DNM3: variants seen among roughly 807,000 people sequenced by gnomAD.
DNM3 encodes the protein dynamin 3, also known as dynamin-3.
In DNM3, 47 loss-of-function variants were observed where a neutral mutation model predicts 101.6. The ratio of observed to expected loss-of-function variants is 0.46; its 90% CI spans 0.37 to 0.59. The LOEUF (loss-of-function observed/expected upper bound fraction) is 0.59. Ranked by LOEUF, DNM3 falls within the 20% of genes least tolerant of loss-of-function variation. DNM3 has a pLI of 0.00. For missense variants in DNM3, 849 were observed against 1,085.7 expected, an observed-to-expected ratio of 0.78 and a Z score of 3.06; for synonymous variants, 385 against 387.9, an observed-to-expected ratio of 0.99 and a Z score of 0.09.
At chr1:171,864,844 T>A (rs1332882514) in intron 1 of DNM3, among the ~76,000 whole-genome samples, 1 of 151,928 alleles carries the variant, frequency 6.6e-6, no homozygotes, top group African/African-American at 2.4e-5. Context: ...AAAAATTTTC[T>A]AATTCTTGCT....
At position 172,314,735 on chromosome 1, in the gene DNM3, G is replaced by T. The variant is rs1022318151; in HGVS notation, c.1881+5896G>T. On this transcript the variant is annotated intron_variant, in intron 16 of 20. Transcript: ENST00000627582. ...TTGCTTAGGTAAACAAAGCAGCCGG[G>T]AAGCTCCAACTGGCTGGAGCCCACC... Among the ~76,000 whole-genome samples the T allele has an allele frequency of 3.0e-4, 46 of 152,350 alleles. 1 individual carries two copies. The highest frequency in any genetic ancestry group is 2.6e-4 in the Non-Finnish European group (18 of 68,036).
At chr1:172,218,526 C>T (rs962901800) in intron 14 of DNM3, among the ~76,000 whole-genome samples, 1 of 151,978 alleles carries the variant, frequency 6.6e-6, no homozygotes, top group African/African-American at 2.4e-5. Flanking sequence ...ATGTTATTTA[C>T]AATATTTATC....
chr1:172,076,899 C>T (rs988601207), intron 11 of DNM3, among the ~76,000 whole-genome samples: 1 of 152,146 alleles, frequency 6.6e-6, no homozygotes, highest in Non-Finnish European at 1.5e-5. Context: ...AGTACCAGCT[C>T]CTCTTTGTAC....
intron 1 of DNM3, among the ~76,000 whole-genome samples, chr1:171,875,081 C>T (rs549018711): frequency 1.2e-4 from 18 of 152,184 alleles, no homozygotes; most frequent in African/African-American, 4.3e-4. Context: ...GATGGGCACC[C>T]AGGTTGATTC....
chr1:172,196,989 A>G (rs1326410768), intron 14 of DNM3, among the ~76,000 whole-genome samples: 6 of 152,024 alleles, frequency 3.9e-5, no homozygotes, highest in Admixed American at 2.6e-4. Flanking sequence ...GCCTTTTCCT[A>G]TGTCCAGGAT....
chr1:171,942,300 A>G (rs2041872330), intron 2 of DNM3, among the ~76,000 whole-genome samples: 1 of 148,760 alleles, frequency 6.7e-6, no homozygotes, highest in Non-Finnish European at 1.5e-5. Flanking sequence ...ATACTGGCAC[A>G]GAGTTAAGCC....
At chr1:172,004,581 G>A (rs955759422) in intron 4 of DNM3, among the ~76,000 whole-genome samples, 2 of 152,064 alleles carry the variant, frequency 1.3e-5, no homozygotes, top group East Asian at 3.9e-4. Flanking sequence ...AGCAACAAGG[G>A]GGAATAGAAG....
intron 19 of DNM3, among the ~76,000 whole-genome samples, chr1:172,387,690 C>T (rs367683534): frequency 7.0e-6 from 1 of 143,080 alleles, no homozygotes; most frequent in Admixed American, 7.3e-5. Flanking sequence ...CCACCCACAA[C>T]CCCTGAGCCC....
chr1:172,050,656 G>T (rs2050143069), intron 10 of DNM3, among the ~76,000 whole-genome samples: 3 of 152,262 alleles, frequency 2.0e-5, no homozygotes, highest in Non-Finnish European at 2.9e-5. Context: ...GATAGGTTTG[G>T]CATTCAAATT....
intron 14 of DNM3, among the ~76,000 whole-genome samples, chr1:172,184,787 G>A (rs1319554034): frequency 6.6e-6 from 1 of 152,090 alleles, no homozygotes; most frequent in Non-Finnish European, 1.5e-5. Flanking sequence ...TTTTACAAAT[G>A]TAGAATCCAA....
chr1:172,204,092 A>G (rs1558722121), intron 14 of DNM3, among the ~76,000 whole-genome samples: 1 of 152,150 alleles, frequency 6.6e-6, no homozygotes, highest in Admixed American at 6.6e-5. Context: ...TCCCAGTGCT[A>G]TGGCATATTT....
intron 20 of DNM3, among the ~76,000 whole-genome samples, chr1:172,392,033 T>C (rs2069567812): frequency 6.6e-6 from 1 of 152,174 alleles, no homozygotes; most frequent in Non-Finnish European, 1.5e-5. Context: ...AAACCATGAG[T>C]GTTCTGCTTT....
At chr1:171,908,664 AATAATT>A (rs1347832195) in intron 1 of DNM3, among the ~76,000 whole-genome samples, 4 of 139,970 alleles carry the variant, frequency 2.9e-5, no homozygotes, top group Admixed American at 7.5e-5. Context: ...GAATAATAAT[AATAATT>A]AACATATAAC....
intron 14 of DNM3, among the ~76,000 whole-genome samples, chr1:172,203,166 G>T (rs1364729302): frequency 6.6e-6 from 1 of 152,038 alleles, no homozygotes; most frequent in Non-Finnish European, 1.5e-5. Flanking sequence ...TGAGCTGGAG[G>T]GTCTCTTCAA....
intron 17 of DNM3, among the ~76,000 whole-genome samples, chr1:172,374,109 C>T (rs1217949559): frequency 6.6e-6 from 1 of 152,052 alleles, no homozygotes; most frequent in Non-Finnish European, 1.5e-5. Context: ...ACATAATGTT[C>T]TATCTTTGAA....
At chr1:172,245,530 G>T (rs1282512088) in intron 14 of DNM3, among the ~76,000 whole-genome samples, 1 of 152,216 alleles carries the variant, frequency 6.6e-6, no homozygotes, top group Non-Finnish European at 1.5e-5. Flanking sequence ...AGCACCACAG[G>T]CTTGACTGAG....
intron 15 of DNM3, among the ~76,000 whole-genome samples, chr1:172,283,355 C>T (rs2063560844): frequency 6.6e-6 from 1 of 152,160 alleles, no homozygotes; most frequent in African/African-American, 2.4e-5. Flanking sequence ...CAGGACTTGA[C>T]CAACACAGGG....
intron 15 of DNM3, among the ~76,000 whole-genome samples, chr1:172,265,561 T>C (rs1305338693): frequency 6.6e-6 from 1 of 152,188 alleles, no homozygotes; most frequent in Admixed American, 6.5e-5. Context: ...CTTCACCTAA[T>C]TATAAACTGA....
chr1:172,271,180 A>G (rs1211908833), intron 15 of DNM3, among the ~76,000 whole-genome samples: 1 of 152,142 alleles, frequency 6.6e-6, no homozygotes, highest in Non-Finnish European at 1.5e-5. Context: ...TTGACTTCAC[A>G]TTGTTGTTTG....
Sources: gnomAD v4.1 joint callset for allele counts (sites outside exome capture counted in the v4.1 genomes callset) on GRCh38, gnomAD v4.1.1 for gene constraint, MANE v1.5 for transcripts, NCBI Gene and HGNC (gene_info 2026-07-23, HGNC 2026-07-21) for gene names.